The following FALEC variants were observed in gnomAD, a reference collection of about 807,000 sequenced individuals.
FALEC encodes focally amplified lncRNA on chromosome 1.
At chr1:150,516,822 G>T (rs1670575546) in intron 1 of FALEC, among the ~76,000 whole-genome samples, 1 of 152,124 alleles carries the variant, frequency 6.6e-6, no homozygotes, top group Non-Finnish European at 1.5e-5. Context: ...TTTGTGTTAG[G>T]CAGAGTGCTA....
downstream of FALEC, among the ~76,000 whole-genome samples, chr1:150,522,829 T>C (rs1032074957): frequency 9.4e-6 from 1 of 106,840 alleles, no homozygotes; most frequent in Non-Finnish European, 2.1e-5. Context: ...ACTGGATTAA[T>C]GAACTCTCTC....
the FALEC span, among the ~76,000 whole-genome samples, chr1:150,534,757 G>A: frequency 0.045 from 6,827 of 151,028 alleles, 212 homozygotes; most frequent in Non-Finnish European, 0.068. Context: ...CAGGAGAATC[G>A]CTTGAACCAG....
downstream of FALEC, among the ~76,000 whole-genome samples, chr1:150,522,981 ATATT>A (rs1203432159): frequency 1.1e-3 from 24 of 21,458 alleles, no homozygotes; most frequent in Admixed American, 6.1e-3. Context: ...ATATATATAT[ATATT>A]TTTTTTTTTT....
chr1:150,528,709 G>A, the FALEC span, among the ~76,000 whole-genome samples: 1 of 151,514 alleles, frequency 6.6e-6, no homozygotes, highest in Admixed American at 6.6e-5. Flanking sequence ...AGCCTCCCGA[G>A]TAGTAACTGG....
At chr1:150,519,007 G>A (rs889888608), downstream of FALEC, among the ~76,000 whole-genome samples, 1 of 152,120 alleles carries the variant, frequency 6.6e-6, no homozygotes, top group Non-Finnish European at 1.5e-5. Flanking sequence ...AGTGAGCTGA[G>A]ATCATGCCAT....
the FALEC span, among the ~76,000 whole-genome samples, chr1:150,526,634 A>T: frequency 2.0e-4 from 30 of 150,792 alleles, no homozygotes; most frequent in Admixed American, 3.3e-4. Flanking sequence ...ATTTTTATAT[A>T]TTTATTTTTA....
chr1:150,524,605 T>C, the FALEC span, among the ~76,000 whole-genome samples: 1 of 152,102 alleles, frequency 6.6e-6, no homozygotes, highest in Admixed American at 6.6e-5. Context: ...AGACATTTCA[T>C]CTAAGAAGAT....
chr1:150,522,983 ATTT>A (rs1174052488), downstream of FALEC, among the ~76,000 whole-genome samples: 25 of 15,910 alleles, frequency 1.6e-3, no homozygotes, highest in African/African-American at 7.0e-3. Context: ...ATATATATAT[ATTT>A]TTTTTTTTTT....
intron 1 of FALEC, among the ~76,000 whole-genome samples, chr1:150,516,226 C>T (rs1256164729): frequency 6.7e-6 from 1 of 150,158 alleles, no homozygotes; most frequent in Admixed American, 6.6e-5. Context: ...CCAGCCTGGG[C>T]GAGAGAGGAG....
chr1:150,530,518 G>C, the FALEC span, among the ~76,000 whole-genome samples: 1 of 152,130 alleles, frequency 6.6e-6, no homozygotes, highest in South Asian at 2.1e-4. Flanking sequence ...ACTCTCTGAG[G>C]CCGGTGCTCA....
the FALEC span, among the ~76,000 whole-genome samples, chr1:150,528,551 C>T: frequency 6.6e-6 from 1 of 151,818 alleles, no homozygotes; most frequent in East Asian, 1.9e-4. Flanking sequence ...CCTGAGTGGT[C>T]CTCATCACAC....
At chr1:150,529,653 A>G in the FALEC span, among the ~76,000 whole-genome samples, 1 of 150,746 alleles carries the variant, frequency 6.6e-6, no homozygotes, top group Non-Finnish European at 1.5e-5. Flanking sequence ...GCTGGAGTGC[A>G]GTGGCGCCAT....
chr1:150,534,509 G>GC, the FALEC span, among the ~76,000 whole-genome samples: 52 of 152,060 alleles, frequency 3.4e-4, no homozygotes, highest in Middle Eastern at 3.4e-3. Flanking sequence ...TGGTATCTGT[G>GC]CCCCCCCAGC....
chr1:150,527,130 G>A, the FALEC span, among the ~76,000 whole-genome samples: 4 of 149,948 alleles, frequency 2.7e-5, no homozygotes, highest in African/African-American at 9.9e-5. Context: ...TAGTAGAGAC[G>A]GGGTTTCACC....
chr1:150,532,486 C>T, the FALEC span, among the ~76,000 whole-genome samples: 1 of 152,146 alleles, frequency 6.6e-6, no homozygotes, highest in Non-Finnish European at 1.5e-5. Flanking sequence ...GAGGGAGTGG[C>T]TCCAGAGATC....
At chr1:150,526,153 G>T in the FALEC span, among the ~76,000 whole-genome samples, 3 of 151,870 alleles carry the variant, frequency 2.0e-5, no homozygotes, top group Admixed American at 1.3e-4. Flanking sequence ...ACGAGGTCAG[G>T]AGATCAAGAC....
At chr1:150,535,234 T>C in the FALEC span, among the ~76,000 whole-genome samples, 1 of 152,022 alleles carries the variant, frequency 6.6e-6, no homozygotes, top group Non-Finnish European at 1.5e-5. Flanking sequence ...TTATGCCAAA[T>C]CTTCTAACTT....
downstream of FALEC, among the ~76,000 whole-genome samples, chr1:150,522,951 A>G (rs1352425722): frequency 0.092 from 1,908 of 20,654 alleles, 165 homozygotes; most frequent in Non-Finnish European, 0.14. Context: ...GTGTGTGTGT[A>G]TATATATATA....
At chr1:150,528,725 C>T in the FALEC span, among the ~76,000 whole-genome samples, 1 of 151,794 alleles carries the variant, frequency 6.6e-6, no homozygotes, top group East Asian at 1.9e-4. Flanking sequence ...ACTGGGACTA[C>T]AGGTGCCCAC....
Sources: gnomAD v4.1 joint callset for allele counts (sites outside exome capture counted in the v4.1 genomes callset) on GRCh38, gnomAD v4.1.1 for gene constraint, MANE v1.5 for transcripts, NCBI Gene and HGNC (gene_info 2026-07-23, HGNC 2026-07-21) for gene names.